DHDDS: variants seen among roughly 807,000 people sequenced by gnomAD.
DHDDS encodes the protein dehydrodolichyl diphosphate synthase complex subunit DHDDS.
In DHDDS, 16 loss-of-function variants were observed where a neutral mutation model predicts 46.2. The observed-to-expected ratio is 0.35, with a 90% CI of 0.23 to 0.53. The LOEUF is 0.53. Ranked by LOEUF, DHDDS falls within the 20% of genes least tolerant of loss-of-function variation. DHDDS has a pLI of 0.94. For synonymous variants in DHDDS, 151 were observed against 163.1 expected, an observed-to-expected ratio of 0.93 and a Z score of 0.56; for missense variants, 340 against 423.7, an observed-to-expected ratio of 0.80 and a Z score of 1.73.
At chr1:26,436,753 T>C (rs775507427) in intron 2 of DHDDS, among the ~76,000 whole-genome samples, 1 of 151,756 alleles carries the variant, frequency 6.6e-6, no homozygotes, top group Non-Finnish European at 1.5e-5. Flanking sequence ...AGAAAAAAAA[T>C]TTTTTCCTTT....
intron 8 of DHDDS, chr1:26,467,440 A>C: frequency 2.3e-6 from 1 of 443,530 alleles, no homozygotes; most frequent in Non-Finnish European, 4.8e-6. Context: ...AATGCCTGGG[A>C]TTATTCAGGA....
chr1:26,461,479 G>A (rs898404053), intron 8 of DHDDS, among the ~76,000 whole-genome samples: 7 of 148,696 alleles, frequency 4.7e-5, no homozygotes, highest in Admixed American at 2.7e-4. Flanking sequence ...TCCGCCTCCC[G>A]GGTTCAAGTG....
chr1:26,443,563 CA>C (rs34636891), intron 4 of DHDDS, among the ~76,000 whole-genome samples: 28,109 of 152,096 alleles, frequency 0.18, 2,935 homozygotes, highest in Admixed American at 0.28. Flanking sequence ...GAGCCCTTAC[CA>C]GCCAGAATTG....
chr1:26,434,703 A>G (rs945040958), intron 2 of DHDDS, among the ~76,000 whole-genome samples: 3 of 152,078 alleles, frequency 2.0e-5, no homozygotes, highest in Non-Finnish European at 4.4e-5. Context: ...CCCAGGCTAG[A>G]GTGCAGTGGT....
In DHDDS at chr1:26,470,316, T is replaced by C. The variant is rs1045672635; in HGVS notation, c.*1185T>C. On this transcript the variant is annotated 3_prime_UTR_variant, in exon 9 of 9. Coordinates refer to ENST00000236342, the MANE Select transcript of DHDDS (RefSeq NM_205861.3). ...TCTTTAAAGTCCATTTTCCTTCTTC[T>C]TTTTTTTTTTTTTTTTGGAGACAGC... is the stretch of plus-strand genomic sequence containing the variant. 4.9e-5 allele frequency: 3 copies of C among 61,198 alleles called. No individual in the cohort carries two copies. Among genetic ancestry groups the C allele is most frequent in the African/African-American group, 3.5e-4 (3 of 8,556 alleles). 3.8% of individuals were successfully genotyped at this position (61,198 alleles called of 1,614,324 possible). A position where few individuals can be genotyped will look rare whatever the true frequency, so the allele number is the denominator to read the frequency against.
intron 6 of DHDDS, 124 bp from the exon 7 acceptor site, chr1:26,457,667 C>G: frequency 1.4e-6 from 1 of 730,814 alleles, no homozygotes; most frequent in Non-Finnish European, 2.5e-6. Context: ...GTAGTATTGG[C>G]TAGTGTATTT....
chr1:26,460,937 G>C (rs761962728), intron 8 of DHDDS, among the ~76,000 whole-genome samples: 1 of 151,958 alleles, frequency 6.6e-6, no homozygotes, highest in African/African-American at 2.4e-5. Flanking sequence ...GCAGTGGTGC[G>C]ATCTGGGCTC....
rs1557433201 is a variant in DHDDS, at chr1:26,436,398, C to CT, written c.64-1769dup. 3.5e-5 allele frequency among the ~76,000 whole-genome samples: 4 copies of CT among 114,494 alleles called. No homozygotes were observed. In the South Asian group the frequency reaches 1.1e-3, roughly 33 times the overall value. The allele number at this position is 114,494 out of a possible 152,430, so 75.1% of individuals were successfully genotyped here. Reference sequence around the variant, plus strand: ...CCACCTTGGGTAATAGAGTAAGACTCTGTTTTGTTTGTTTGTTTGTTTGTT... The same window carrying CT: ...CCACCTTGGGTAATAGAGTAAGACTCTTGTTTTGTTTGTTTGTTTGTTTGTT... On this transcript the variant is annotated intron_variant, in intron 2 of 8. Transcript: ENST00000236342.
Position 26,439,676 on chromosome 1 carries a change from G to T in DHDDS, c.180+1392G>T, listed in dbSNP as rs192611275. Among the ~76,000 whole-genome samples the T allele has an allele frequency of 2.9e-3, 447 of 152,300 alleles. 2 individuals carry two copies. The highest frequency in any genetic ancestry group is 9.3e-3 in the African/African-American group (387 of 41,568). ...CATTCTGCTTTGCCAAGGCTGAGGG[G>T]TTTCTCAGGACACAGGTCTTTCAGT... On this transcript the variant is annotated intron_variant, in intron 3 of 8. Coordinates refer to ENST00000236342, the MANE Select transcript of DHDDS (RefSeq NM_205861.3).
intron 6 of DHDDS, chr1:26,448,457 C>G (rs1171388987): frequency 6.5e-6 from 1 of 152,844 alleles, no homozygotes; most frequent in African/African-American, 2.4e-5. Flanking sequence ...AGGCGTGAGT[C>G]ACCATGCCCA....
intron 4 of DHDDS, 192 bp downstream of exon 4, chr1:26,443,065 AAGG>A: frequency 9.8e-7 from 1 of 1,017,588 alleles, no homozygotes; most frequent in Non-Finnish European, 1.4e-6. Context: ...TTTAATAAAA[AAGG>A]GGGCATTTAT....
intron 3 of DHDDS, among the ~76,000 whole-genome samples, chr1:26,442,463 C>T (rs1280631154): frequency 1.3e-5 from 2 of 152,206 alleles, no homozygotes; most frequent in East Asian, 1.9e-4. Context: ...TATGTCTTTA[C>T]ACTCTCAGTG....
chr1:26,440,259 A>G (rs952204578), intron 3 of DHDDS, among the ~76,000 whole-genome samples: 3 of 152,224 alleles, frequency 2.0e-5, no homozygotes, highest in African/African-American at 2.4e-5. Flanking sequence ...AGTGAATGGC[A>G]GTGAGGTTCT....
chr1:26,440,678 G>C (rs2075209409), intron 3 of DHDDS, among the ~76,000 whole-genome samples: 1 of 152,190 alleles, frequency 6.6e-6, no homozygotes, highest in South Asian at 2.1e-4. Flanking sequence ...TAGGGCCTGA[G>C]GCTATTCAAG....
At position 26,471,298 on chromosome 1, in the gene DHDDS, G is replaced by A. The variant is rs774989918; in HGVS notation, c.*2167G>A. On this transcript the variant is annotated 3_prime_UTR_variant, in exon 9 of 9. Coordinates refer to ENST00000236342, the MANE Select transcript of DHDDS (RefSeq NM_205861.3). ...CAAATAGAATTTTTAAAGATTCTTA[G>A]ATGTAAAACTTGTTTGCTAACTGCA... 6.6e-6 allele frequency: 1 copy of A among 152,198 alleles called. No homozygotes were observed. The highest frequency in any genetic ancestry group is 1.5e-5 in the Non-Finnish European group (1 of 68,050). 9.4% of individuals were successfully genotyped at this position (152,198 alleles called of 1,614,324 possible). A position where few individuals can be genotyped will look rare whatever the true frequency, so the allele number is the denominator to read the frequency against.
At chr1:26,455,008 G>C (rs1008052158) in intron 6 of DHDDS, 14 of 1,388,474 alleles carry the variant, frequency 1.0e-5, no homozygotes, top group South Asian at 2.3e-5. Context: ...TGTAACGTCG[G>C]AATGGTACGC....
chr1:26,443,182 A>G (rs977468144), intron 4 of DHDDS: 2 of 350,200 alleles, frequency 5.7e-6, no homozygotes, highest in African/African-American at 4.3e-5. Flanking sequence ...CTCTGTATTC[A>G]TTTATTTCCA....
chr1:26,468,314 G>A (rs1212702508), intron 8 of DHDDS, among the ~76,000 whole-genome samples: 1 of 152,114 alleles, frequency 6.6e-6, no homozygotes, highest in Non-Finnish European at 1.5e-5. Flanking sequence ...GGAGTGGGGA[G>A]GATGGTACCC....
chr1:26,433,057 T>C (rs370077480), intron 2 of DHDDS, 49 bp downstream of exon 2: 1 of 1,593,780 alleles, frequency 6.3e-7, no homozygotes, highest in Non-Finnish European at 8.6e-7. Flanking sequence ...AGTTGGATAA[T>C]CTTATATAAA....
Sources: gnomAD v4.1 joint callset for allele counts (sites outside exome capture counted in the v4.1 genomes callset) on GRCh38, gnomAD v4.1.1 for gene constraint, MANE v1.5 for transcripts, NCBI Gene and HGNC (gene_info 2026-07-23, HGNC 2026-07-21) for gene names.